SNTB1: variants seen among roughly 807,000 people sequenced by gnomAD.
SNTB1 encodes the protein syntrophin beta 1, also known as beta-1-syntrophin.
SNTB1 carries 36 observed loss-of-function variants against 48.9 expected under a neutral mutation model. The ratio of observed to expected loss-of-function variants is 0.74; its 90% CI spans 0.56 to 0.97. SNTB1 has a LOEUF of 0.97. Ranked by LOEUF, SNTB1 falls within the 50% of genes least tolerant of loss-of-function variation. The pLI, the probability that SNTB1 is intolerant of heterozygous loss-of-function variation, is 0.00. For missense variants in SNTB1, 786 were observed against 703.4 expected (o/e 1.12, Z -1.33); for synonymous variants, 299 against 294.6 (o/e 1.01, Z -0.15).
intron 1 of SNTB1, among the ~76,000 whole-genome samples, chr8:120,701,515 A>G (rs1818308934): frequency 6.6e-6 from 1 of 152,232 alleles, no homozygotes; most frequent in Admixed American, 6.5e-5. Context: ...TCACCAAGAA[A>G]TAGCCCTGTT....
chr8:120,737,221 C>T (rs896957072), intron 1 of SNTB1, among the ~76,000 whole-genome samples: 1 of 152,176 alleles, frequency 6.6e-6, no homozygotes, highest in Non-Finnish European at 1.5e-5. Context: ...TTAATCCTCT[C>T]AACCTTGCAA....
intron 2 of SNTB1, among the ~76,000 whole-genome samples, chr8:120,647,379 T>A (rs1563840999): frequency 6.6e-6 from 1 of 150,380 alleles, no homozygotes; most frequent in Admixed American, 6.6e-5. Flanking sequence ...TTGTTCTCAT[T>A]GGTTTCAAAG....
chr8:120,770,233 CA>C (rs1363453080), intron 1 of SNTB1, among the ~76,000 whole-genome samples: 1 of 152,108 alleles, frequency 6.6e-6, no homozygotes, highest in Non-Finnish European at 1.5e-5. Context: ...TTCCTCCCAA[CA>C]AATATTGATG....
At chr8:120,556,899 G>C (rs886237080) in intron 4 of SNTB1, among the ~76,000 whole-genome samples, 16 of 152,220 alleles carry the variant, frequency 1.1e-4, no homozygotes, top group Admixed American at 7.8e-4. Flanking sequence ...TCTCCACTCT[G>C]ATGGCTCACA....
intron 2 of SNTB1, among the ~76,000 whole-genome samples, chr8:120,669,875 G>C (rs933551466): frequency 5.9e-5 from 9 of 152,160 alleles, no homozygotes; most frequent in African/African-American, 2.2e-4. Flanking sequence ...TGATGCTGCT[G>C]GTGTCCCTGT....
intron 3 of SNTB1, among the ~76,000 whole-genome samples, chr8:120,585,759 C>T (rs994561343): frequency 1.3e-5 from 2 of 152,054 alleles, no homozygotes; most frequent in Non-Finnish European, 2.9e-5. Flanking sequence ...GTGTTTTTTG[C>T]TCACCCCAGG....
intron 1 of SNTB1, among the ~76,000 whole-genome samples, chr8:120,767,435 T>A (rs1819545421): frequency 6.6e-6 from 1 of 152,198 alleles, no homozygotes; most frequent in African/African-American, 2.4e-5. Flanking sequence ...CATGCATATA[T>A]ATTTCAATAA....
chr8:120,696,666 T>C (rs1818215605), intron 1 of SNTB1, among the ~76,000 whole-genome samples: 1 of 152,344 alleles, frequency 6.6e-6, no homozygotes, highest in Non-Finnish European at 1.5e-5. Context: ...AAATGCCTTG[T>C]AGGGCTATTC....
At chr8:120,601,160 G>A (rs55704534) in intron 3 of SNTB1, among the ~76,000 whole-genome samples, 35,922 of 151,744 alleles carry the variant, frequency 0.24, 4,413 homozygotes, top group African/African-American at 0.3. Context: ...CTTTCACTCT[G>A]CGGAATAATC....
intron 1 of SNTB1, among the ~76,000 whole-genome samples, chr8:120,773,823 G>A (rs577515750): frequency 1.3e-5 from 2 of 152,306 alleles, no homozygotes; most frequent in South Asian, 2.1e-4. Context: ...AAATGTAATC[G>A]TTCAAGGTCA....
chr8:120,548,719 T>C, intron 5 of SNTB1, 43 bp downstream of exon 5: 1 of 1,584,032 alleles, frequency 6.3e-7, no homozygotes, highest in Non-Finnish European at 8.7e-7. Flanking sequence ...AGGGTTCATC[T>C]TCCCGTAACA....
At chr8:120,612,093 A>T (rs976641850) in intron 3 of SNTB1, among the ~76,000 whole-genome samples, 5 of 152,122 alleles carry the variant, frequency 3.3e-5, no homozygotes, top group Non-Finnish European at 5.9e-5. Context: ...TAGCTGCTAA[A>T]ATTTAACACT....
intron 1 of SNTB1, among the ~76,000 whole-genome samples, chr8:120,726,720 T>G (rs1214770023): frequency 3.9e-5 from 6 of 152,176 alleles, no homozygotes. Context: ...CTATTAGAGA[T>G]CTACAATGTA....
At chr8:120,635,924 C>T in intron 2 of SNTB1, 1 of 463,904 alleles carries the variant, frequency 2.2e-6, no homozygotes, top group Non-Finnish European at 4.0e-6. Flanking sequence ...TTCCTTTTTG[C>T]TAACCGAATC....
chr8:120,768,071 G>C (rs1231784030), intron 1 of SNTB1, among the ~76,000 whole-genome samples: 4 of 152,196 alleles, frequency 2.6e-5, no homozygotes, highest in African/African-American at 9.7e-5. Flanking sequence ...CTGCCCAAGA[G>C]CCAGTTTTTT....
chr8:120,541,020 G>A (rs1264363847), intron 6 of SNTB1: 3 of 152,188 alleles, frequency 2.0e-5, no homozygotes, highest in Non-Finnish European at 4.4e-5. Flanking sequence ...AGGCCTCTTT[G>A]AAGTTCTACA....
intron 2 of SNTB1, among the ~76,000 whole-genome samples, chr8:120,675,076 A>G (rs934081641): frequency 2.6e-5 from 4 of 152,222 alleles, no homozygotes; most frequent in Non-Finnish European, 4.4e-5. Flanking sequence ...CAACAGCTAA[A>G]ATTGCAGTAA....
chr8:120,556,981 G>C (rs28499155), intron 4 of SNTB1, among the ~76,000 whole-genome samples: 4,480 of 152,190 alleles, frequency 0.029, 211 homozygotes, highest in African/African-American at 0.1. Context: ...CCCAATACTT[G>C]AGTTCTAAGT....
At chr8:120,784,183 A>G (rs6469952) in intron 1 of SNTB1, among the ~76,000 whole-genome samples, 74,413 of 151,744 alleles carry the variant, frequency 0.49, 21,197 homozygotes, top group African/African-American at 0.79. Context: ...TAGTAGAGAC[A>G]GGGTTTCACC....
Sources: gnomAD v4.1 joint callset for allele counts (sites outside exome capture counted in the v4.1 genomes callset) on GRCh38, gnomAD v4.1.1 for gene constraint, MANE v1.5 for transcripts, NCBI Gene and HGNC (gene_info 2026-07-23, HGNC 2026-07-21) for gene names.